Variants in ZNF43 observed in about 807,000 individuals in gnomAD.
ZNF43 encodes the protein zinc finger protein 39-like 1 (KOX 27).
In ZNF43, 44 loss-of-function variants were observed where a neutral mutation model predicts 68.4. The observed-to-expected ratio is 0.64, with a 90% CI of 0.51 to 0.83. ZNF43 has a LOEUF of 0.83. Ranked by LOEUF, ZNF43 falls within the 40% of genes least tolerant of loss-of-function variation. The pLI is 0.00. For synonymous variants in ZNF43, 308 were observed against 307.8 expected (o/e 1.00, Z -0.01); for missense variants, 896 against 933.2 (o/e 0.96, Z 0.52).
chr19:21,833,976 G>C (rs1168642871), intron 1 of ZNF43, among the ~76,000 whole-genome samples: 4 of 152,024 alleles, frequency 2.6e-5, no homozygotes, highest in African/African-American at 7.2e-5. Context: ...GCAGTGAGCT[G>C]AGATGGCTCC....
intron 1 of ZNF43, among the ~76,000 whole-genome samples, chr19:21,826,248 GAA>G (rs1201021675): frequency 1.4e-5 from 2 of 142,308 alleles, no homozygotes; most frequent in Non-Finnish European, 1.5e-5. Context: ...AAGCCTGAAA[GAA>G]AAAGTTTCCT....
chr19:21,825,930 T>G (rs541464163), intron 1 of ZNF43, among the ~76,000 whole-genome samples: 1 of 152,268 alleles, frequency 6.6e-6, no homozygotes, highest in East Asian at 1.9e-4. Flanking sequence ...TCACCTGTAG[T>G]CCCAGCTACT....
chr19:21,817,404 T>C (rs1165930821), intron 3 of ZNF43, among the ~76,000 whole-genome samples: 1 of 152,126 alleles, frequency 6.6e-6, no homozygotes, highest in Non-Finnish European at 1.5e-5. Context: ...AGAAACATCA[T>C]AATTCATAAT....
chr19:21,834,412 T>TA (rs1475312702), intron 1 of ZNF43, among the ~76,000 whole-genome samples: 3 of 150,502 alleles, frequency 2.0e-5, no homozygotes, highest in African/African-American at 7.3e-5. Flanking sequence ...ACAAACAGTG[T>TA]AAGGGGATTA....
rs141096150 is a variant in ZNF43, at chr19:21,813,037, G to A, written c.230-3230C>T. 3.1e-3 allele frequency among the ~76,000 whole-genome samples: 477 copies of A among 151,958 alleles called. 1 individual carries two copies. The highest frequency in any genetic ancestry group is 0.011 in the African/African-American group (458 of 41,464). ...GTGGGCAGATCGCCTGAGGTCATAA[G>A]TTCGAGACCAGCCTGATCAACATGG... is the stretch of plus-strand genomic sequence containing the variant. On this transcript the variant is annotated intron_variant, in intron 3 of 3. Transcript: ENST00000354959.
At chr19:21,846,399 T>C (rs1967958569) in intron 1 of ZNF43, among the ~76,000 whole-genome samples, 1 of 152,210 alleles carries the variant, frequency 6.6e-6, no homozygotes, top group Admixed American at 6.5e-5. Flanking sequence ...AAACAATAAG[T>C]CACTCTCTTT....
rs916894577 is a variant in ZNF43, at chr19:21,836,160, G to C, written c.-122C>G. On this transcript the variant is annotated 5_prime_UTR_variant, in exon 1 of 4. Coordinates refer to ENST00000354959, the MANE Select transcript of ZNF43 (RefSeq NM_003423.4). ...CACAGAAGAACGAAGACGAGACGCA[G>C]AGCTCCAACTGCAGCCAGAGACAAA... 4.5e-6 allele frequency: 7 copies of C among 1,571,100 alleles called. No individual in the cohort carries two copies. Among genetic ancestry groups the C allele is most frequent in the Non-Finnish European group, 6.0e-6 (7 of 1,157,126 alleles).
At chr19:21,821,313 T>A (rs1453687931) in intron 1 of ZNF43, among the ~76,000 whole-genome samples, 1 of 151,728 alleles carries the variant, frequency 6.6e-6, no homozygotes, top group Admixed American at 6.6e-5. Flanking sequence ...GCCCTGCTAT[T>A]TTTTTTGTAT....
exon 1 of ZNF43, chr19:21,852,046 G>A: frequency 8.2e-7 from 1 of 1,223,174 alleles, no homozygotes. Context: ...GGGTCCCAAG[G>A]TCTAGCGGGA....
chr19:21,811,547 C>CA (rs988161266), intron 3 of ZNF43, among the ~76,000 whole-genome samples: 1,818 of 127,216 alleles, frequency 0.014, 11 homozygotes, highest in Middle Eastern at 0.031. Flanking sequence ...AAAAAAAAAA[C>CA]AAAAAAAAAA....
At chr19:21,843,286 A>C (rs1967664481) in intron 1 of ZNF43, 3 of 816,918 alleles carry the variant, frequency 3.7e-6, no homozygotes, top group Admixed American at 6.2e-5. Context: ...GGAGAGTCAA[A>C]TCGCTCACAT....
At chr19:21,827,940 C>T (rs1408198678) in intron 1 of ZNF43, among the ~76,000 whole-genome samples, 3 of 152,102 alleles carry the variant, frequency 2.0e-5, no homozygotes, top group African/African-American at 4.8e-5. Flanking sequence ...GGATTACAGG[C>T]GTAAGGCACC....
chr19:21,844,412 G>A (rs185809486), intron 1 of ZNF43, among the ~76,000 whole-genome samples: 14 of 147,306 alleles, frequency 9.5e-5, no homozygotes, highest in Admixed American at 8.7e-4. Context: ...TTTGGCTTGT[G>A]ATGACACTCT....
At chr19:21,815,508 TTTTGCAGA>T (rs2037486791) in intron 3 of ZNF43, among the ~76,000 whole-genome samples, 1 of 148,880 alleles carries the variant, frequency 6.7e-6, no homozygotes, top group Admixed American at 6.7e-5. Flanking sequence ...TATATATATA[TTTTGCAGA>T]ATACGGTTAC....
chr19:21,814,138 C>CA (rs1599460997), intron 3 of ZNF43, among the ~76,000 whole-genome samples: 1 of 150,782 alleles, frequency 6.6e-6, no homozygotes, highest in East Asian at 2.0e-4. Context: ...TAAAAAAAAA[C>CA]AAAAAAATAC....
rs1436638826 is a variant in ZNF43 at position 21,808,937 on chromosome 19, T to C, written c.1100A>G (p.Glu367Gly). ...LTTHKRIHTA[E>G]KFYKCTECGE... ...ACATTCTGTACATTTATAGAATTTC[T>C]CTGCAGTATGGATTCTCTTATGTGT... is the stretch of plus-strand genomic sequence containing the variant. Residue 367 changes from glutamate to glycine, a missense_variant, in exon 4 of 4, where the codon GAG becomes GGG. Glu to Gly is a moderately conservative substitution (Grantham distance 98). Coordinates refer to ENST00000354959, the MANE Select transcript of ZNF43 (RefSeq NM_003423.4). 3 of 1,613,838 alleles carry C rather than the reference T, an allele frequency of 1.9e-6. No homozygotes were observed. Among genetic ancestry groups the C allele is most frequent in the East Asian group, 2.2e-5 (1 of 44,854 alleles).
chr19:21,842,556 A>G (rs1967617912), intron 1 of ZNF43, among the ~76,000 whole-genome samples: 1 of 152,064 alleles, frequency 6.6e-6, no homozygotes, highest in Non-Finnish European at 1.5e-5. Flanking sequence ...CAGCACAGTC[A>G]CCTCATCTAA....
chr19:21,836,912 T>A (rs10409809), upstream of ZNF43, among the ~76,000 whole-genome samples: 29,367 of 152,106 alleles, frequency 0.19, 3,038 homozygotes, highest in Non-Finnish European at 0.23. Context: ...TATCAAAAAA[T>A]TTTTTTAAAG....
In ZNF43 at chr19:21,806,689, T is replaced by C. The variant is rs992634415; in HGVS notation, c.*918A>G. 3 of 152,210 alleles carry C rather than the reference T, an allele frequency of 2.0e-5. No homozygotes were observed. The highest frequency in any genetic ancestry group is 7.2e-5 in the African/African-American group (3 of 41,458). The allele number at this position is 152,210 out of a possible 1,614,324, so 9.4% of individuals were successfully genotyped here. A position where few individuals can be genotyped will look rare whatever the true frequency, so the allele number is the denominator to read the frequency against. ...AATTTTTTCAAGATAAAAGTATACT[T>C]TAATTGTAATTATAACTGAAAATCT... On this transcript the variant is annotated 3_prime_UTR_variant, in exon 4 of 4. Coordinates refer to ENST00000354959, the MANE Select transcript of ZNF43 (RefSeq NM_003423.4).
Sources: gnomAD v4.1 joint callset for allele counts (sites outside exome capture counted in the v4.1 genomes callset) on GRCh38, gnomAD v4.1.1 for gene constraint, MANE v1.5 for transcripts, NCBI Gene and HGNC (gene_info 2026-07-23, HGNC 2026-07-21) for gene names.